Variants in RNASEH2B observed in about 807,000 individuals in gnomAD.
The protein encoded by RNASEH2B is ribonuclease H2 subunit B.
Under a neutral mutation model 45.0 loss-of-function variants are expected in RNASEH2B, and 36 were observed. That is an observed-to-expected ratio of 0.80 (90% confidence interval 0.61 to 1.06). The LOEUF is 1.06. Ranked by LOEUF, RNASEH2B falls within the 50% of genes least tolerant of loss-of-function variation. The probability of loss-of-function intolerance (pLI) is 0.00; values close to 1 mark genes in which losing one functional copy is unlikely to be tolerated. For synonymous variants in RNASEH2B, 119 were observed against 125.7 expected, an observed-to-expected ratio of 0.95 and a Z score of 0.35; for missense variants, 361 against 360.3, an observed-to-expected ratio of 1.00 and a Z score of -0.02.
At chr13:50,954,847 A>T (rs1952024568) in intron 10 of RNASEH2B, 1 of 152,174 alleles carries the variant, frequency 6.6e-6, no homozygotes, top group African/African-American at 2.4e-5. Flanking sequence ...GACGACATTG[A>T]GTATTGCTTT....
At chr13:50,943,088 T>A in intron 5 of RNASEH2B, 1 of 438,418 alleles carries the variant, frequency 2.3e-6, no homozygotes, top group Non-Finnish European at 4.1e-6. Context: ...GTTTGTATAA[T>A]TTGAAGGTTT....
intron 1 of RNASEH2B, among the ~76,000 whole-genome samples, chr13:50,914,046 T>C (rs1273165769): frequency 3.9e-5 from 1 of 25,814 alleles, no homozygotes; most frequent in Non-Finnish European, 8.3e-5. Context: ...CTTGAAGATT[T>C]TTTTTTTTTT....
intron 4 of RNASEH2B, among the ~76,000 whole-genome samples, chr13:50,932,665 C>T (rs1359700747): frequency 6.6e-6 from 1 of 152,114 alleles, no homozygotes; most frequent in Non-Finnish European, 1.5e-5. Context: ...GATCCATCAA[C>T]CATAGTTGGA....
chr13:50,941,813 A>G (rs1333167638), intron 5 of RNASEH2B: 1 of 152,208 alleles, frequency 6.6e-6, no homozygotes, highest in Non-Finnish European at 1.5e-5. Flanking sequence ...ACTCCTGACA[A>G]TGCTTTTGCA....
At chr13:50,930,057 G>C (rs1593458587) in intron 3 of RNASEH2B, 1 of 218,268 alleles carries the variant, frequency 4.6e-6, no homozygotes, top group East Asian at 1.2e-4. Context: ...ACACCCCCCA[G>C]CACCAAAGTT....
intron 5 of RNASEH2B, chr13:50,941,889 C>CA (rs2137977346): frequency 6.6e-6 from 1 of 152,374 alleles, no homozygotes; most frequent in Admixed American, 6.5e-5. Context: ...GTCCAGCCCC[C>CA]AATCCATCCT....
intron 4 of RNASEH2B, among the ~76,000 whole-genome samples, chr13:50,932,269 C>G (rs529039759): frequency 6.6e-6 from 1 of 152,230 alleles, no homozygotes; most frequent in South Asian, 2.1e-4. Context: ...TCAGCCAGCC[C>G]CAGGAGAACA....
At chr13:50,944,081 G>T (rs1295883688) in intron 6 of RNASEH2B, among the ~76,000 whole-genome samples, 1 of 151,882 alleles carries the variant, frequency 6.6e-6, no homozygotes, top group Non-Finnish European at 1.5e-5. Context: ...GGATGGGATG[G>T]GTTAAAATAT....
chr13:50,927,471 C>T lies in RNASEH2B; in HGVS notation c.129C>T (p.Pro43=). The T allele has an allele frequency of 6.3e-7, 1 of 1,593,322 alleles. No homozygotes were observed. The highest frequency in any genetic ancestry group is 8.6e-7 in the Non-Finnish European group (1 of 1,161,300). The change falls in exon 2 of 11, where the codon CCC becomes CCT. Residue 43 remains proline, a synonymous_variant. Transcript: ENST00000336617. ...NGLMFVKLVN[P]CSGEGAIYLF... The stretch of plus-strand genomic sequence containing the variant: ...TAATGTTTGTAAAACTGGTTAACCC[C>T]TGTTCAGGTAAGTTCTCTTCTCATA...
At chr13:50,952,065 C>CAGAA (rs1482849853) in intron 9 of RNASEH2B, 1 of 152,152 alleles carries the variant, frequency 6.6e-6, no homozygotes, top group Non-Finnish European at 1.5e-5. Flanking sequence ...GAGGCTAAGG[C>CAGAA]AGAAGGTCGC....
chr13:50,954,352 A>C (rs958887203), intron 10 of RNASEH2B: 2 of 432,466 alleles, frequency 4.6e-6, no homozygotes, highest in African/African-American at 4.0e-5. Flanking sequence ...ACCATTCAGC[A>C]TTCACCCTGG....
At chr13:50,922,585 A>G (rs756573865) in intron 1 of RNASEH2B, among the ~76,000 whole-genome samples, 3 of 152,242 alleles carry the variant, frequency 2.0e-5, no homozygotes, top group Non-Finnish European at 2.9e-5. Context: ...CACAAGAAAT[A>G]CAGACTTTAC....
At chr13:50,930,624 A>G (rs1330939332) in intron 3 of RNASEH2B, 59 bp from the exon 4 acceptor site, 13 of 1,217,864 alleles carry the variant, frequency 1.1e-5, no homozygotes, top group African/African-American at 1.5e-5. Context: ...ATTAAGGTGA[A>G]ATAGCCACAT....
chr13:50,966,937 A>G (rs1395771936), intron 9 of RNASEH2B, among the ~76,000 whole-genome samples: 1 of 152,216 alleles, frequency 6.6e-6, no homozygotes, highest in African/African-American at 2.4e-5. Context: ...CACATCAACC[A>G]TGTTTCAGTA....
At chr13:50,964,502 G>GCTC (rs938663855) in intron 9 of RNASEH2B, among the ~76,000 whole-genome samples, 6 of 152,098 alleles carry the variant, frequency 3.9e-5, no homozygotes. Context: ...CCCACCCAAA[G>GCTC]CTCAAAAGAT....
intron 1 of RNASEH2B, chr13:50,910,471 G>C (rs2137868599): frequency 4.0e-6 from 1 of 249,808 alleles, no homozygotes; most frequent in East Asian, 8.0e-5. Flanking sequence ...TTCTGCCCTT[G>C]GTGTCCCCTA....
chr13:50,963,716 T>G (rs912505736), intron 9 of RNASEH2B, among the ~76,000 whole-genome samples: 2 of 152,086 alleles, frequency 1.3e-5, no homozygotes, highest in Non-Finnish European at 2.9e-5. Flanking sequence ...AATAGTAGAG[T>G]TTAGATATGA....
At chr13:50,912,106 G>A (rs1043824928) in intron 1 of RNASEH2B, 13 of 152,336 alleles carry the variant, frequency 8.5e-5, no homozygotes, top group African/African-American at 3.1e-4. Context: ...CTGAGCAGCT[G>A]TTGGAACTGC....
At chr13:50,958,628 A>G (rs1269863292), downstream of RNASEH2B, among the ~76,000 whole-genome samples, 1 of 152,088 alleles carries the variant, frequency 6.6e-6, no homozygotes, top group Admixed American at 6.6e-5. Flanking sequence ...ATTCTGTGAA[A>G]AATCACAGTA....
Sources: gnomAD v4.1 joint callset for allele counts (sites outside exome capture counted in the v4.1 genomes callset) on GRCh38, gnomAD v4.1.1 for gene constraint, MANE v1.5 for transcripts, NCBI Gene and HGNC (gene_info 2026-07-23, HGNC 2026-07-21) for gene names.